PTPRD: variants seen among roughly 807,000 people sequenced by gnomAD.
PTPRD encodes the protein receptor-type tyrosine-protein phosphatase delta.
PTPRD carries 34 observed loss-of-function variants against 214.5 expected under a neutral mutation model. The ratio of observed to expected loss-of-function variants is 0.16; its 90% CI spans 0.12 to 0.21. The LOEUF is 0.21. PTPRD is among the 10% of genes least tolerant of loss of function. The pLI is 1.00. For synonymous variants in PTPRD, 1,128 were observed against 845.7 expected (o/e 1.33, Z -5.79); for missense variants, 2,545 against 2,398.7 (o/e 1.06, Z -1.27).
intron 14 of PTPRD, among the ~76,000 whole-genome samples, chr9:8,597,749 C>G (rs1246552972): frequency 6.6e-6 from 1 of 152,082 alleles, no homozygotes; most frequent in Non-Finnish European, 1.5e-5. Context: ...CTTATATTCT[C>G]AAATACTTAT....
intron 9 of PTPRD, among the ~76,000 whole-genome samples, chr9:9,292,414 G>C (rs1419490490): frequency 2.6e-5 from 4 of 151,268 alleles, no homozygotes; most frequent in African/African-American, 9.7e-5. Flanking sequence ...TAACACATAA[G>C]AGGTTTTCTT....
At chr9:10,016,393 A>ATAAATAGATAGG (rs1555471258) in intron 4 of PTPRD, among the ~76,000 whole-genome samples, 1 of 149,902 alleles carries the variant, frequency 6.7e-6, no homozygotes, top group African/African-American at 2.5e-5. Flanking sequence ...AGATAGATAG[A>ATAAATAGATAGG]TAGACAGATA....
intron 21 of PTPRD, among the ~76,000 whole-genome samples, chr9:8,513,013 A>C (rs1023013203): frequency 3.3e-5 from 5 of 152,060 alleles, no homozygotes; most frequent in African/African-American, 9.7e-5. Flanking sequence ...TGTGTTTTCT[A>C]ATAATGAAAA....
chr9:8,586,411 T>C (rs1317356662), intron 14 of PTPRD, among the ~76,000 whole-genome samples: 1 of 152,198 alleles, frequency 6.6e-6, no homozygotes, highest in Non-Finnish European at 1.5e-5. Flanking sequence ...TTCTTCACCA[T>C]AGCAGTGTCA....
intron 10 of PTPRD, among the ~76,000 whole-genome samples, chr9:9,163,028 T>TC: frequency 6.6e-6 from 1 of 152,234 alleles, no homozygotes; most frequent in Non-Finnish European, 1.5e-5. Flanking sequence ...CACCAGCTTC[T>TC]CTTTTTTTCC....
chr9:8,473,913 T>C (rs759585342), intron 30 of PTPRD, among the ~76,000 whole-genome samples: 3 of 152,236 alleles, frequency 2.0e-5, no homozygotes, highest in Non-Finnish European at 4.4e-5. Context: ...CAGTGGCAAT[T>C]TGAAATTCTG....
chr9:9,620,011 GGA>G, intron 7 of PTPRD, among the ~76,000 whole-genome samples: 1 of 151,596 alleles, frequency 6.6e-6, no homozygotes, highest in Non-Finnish European at 1.5e-5. Context: ...AGAGAGAGGT[GGA>G]GAGAGTTTGT....
intron 3 of PTPRD, among the ~76,000 whole-genome samples, chr9:10,269,335 G>A (rs2094287991): frequency 1.3e-5 from 2 of 152,294 alleles, no homozygotes; most frequent in South Asian, 4.2e-4. Context: ...ATACTTAGCT[G>A]ATAATGAGAT....
rs948635999 is a variant in PTPRD at position 9,728,000 on chromosome 9, G to T, written c.-287+6533C>A. Among the ~76,000 whole-genome samples the T allele has an allele frequency of 2.0e-5, 3 of 152,122 alleles. No homozygotes were observed. The South Asian group carries it at 6.2e-4, about 32-fold the overall frequency. On this transcript the variant is annotated intron_variant, in intron 7 of 45. Coordinates refer to ENST00000381196, the MANE Select transcript of PTPRD (RefSeq NM_002839.4). ...TGTTGTGAGAGGGACCCATGGGGAGGCAATTGAATCATGGGGGCAGTTTCC... is the reference window on the plus strand; with the variant it reads ...TGTTGTGAGAGGGACCCATGGGGAGTCAATTGAATCATGGGGGCAGTTTCC...
intron 2 of PTPRD, among the ~76,000 whole-genome samples, chr9:10,603,301 T>A (rs1055530056): frequency 1.3e-5 from 2 of 151,804 alleles, no homozygotes; most frequent in African/African-American, 4.8e-5. Flanking sequence ...GGAGTTAGTT[T>A]TCCTTGATAT....
intron 3 of PTPRD, among the ~76,000 whole-genome samples, chr9:10,224,464 A>C (rs1048603141): frequency 3.3e-5 from 5 of 152,000 alleles, no homozygotes; most frequent in African/African-American, 1.2e-4. Flanking sequence ...TGGTAGAAAA[A>C]ATGTTAATTT....
intron 2 of PTPRD, among the ~76,000 whole-genome samples, chr9:10,508,458 A>G (rs2046829729): frequency 6.6e-6 from 1 of 152,320 alleles, no homozygotes; most frequent in African/African-American, 2.4e-5. Context: ...ATATACCCAA[A>G]GGATTATAAA....
chr9:10,261,429 A>G (rs2093693634), intron 3 of PTPRD, among the ~76,000 whole-genome samples: 1 of 152,142 alleles, frequency 6.6e-6, no homozygotes, highest in African/African-American at 2.4e-5. Flanking sequence ...GGACATTAAA[A>G]TCAGACATAG....
chr9:10,069,066 A>G (rs2097941160), intron 3 of PTPRD, among the ~76,000 whole-genome samples: 1 of 151,800 alleles, frequency 6.6e-6, no homozygotes, highest in Admixed American at 6.6e-5. Flanking sequence ...AGCCTTTTGG[A>G]TCTGGCAGCT....
At chr9:8,995,650 G>T (rs777871531) in intron 11 of PTPRD, among the ~76,000 whole-genome samples, 1 of 151,956 alleles carries the variant, frequency 6.6e-6, no homozygotes, top group Admixed American at 6.6e-5. Context: ...AGTTGAAATC[G>T]GGTTCCCCTA....
At chr9:10,263,169 T>C (rs963692624) in intron 3 of PTPRD, among the ~76,000 whole-genome samples, 7 of 152,120 alleles carry the variant, frequency 4.6e-5, no homozygotes, top group Non-Finnish European at 1.0e-4. Context: ...ATCAGCAGCA[T>C]AGCAACAAAC....
intron 14 of PTPRD, among the ~76,000 whole-genome samples, chr9:8,619,100 C>G (rs2095720185): frequency 6.6e-6 from 1 of 151,274 alleles, no homozygotes; most frequent in African/African-American, 2.4e-5. Context: ...GTGTATTTAC[C>G]ACATACAAAA....
At chr9:8,342,494 G>T (rs768879272) in intron 39 of PTPRD, among the ~76,000 whole-genome samples, 10 of 152,066 alleles carry the variant, frequency 6.6e-5, no homozygotes, top group Non-Finnish European at 1.5e-5. Flanking sequence ...ACATTTATGT[G>T]TCAAGTATGG....
At chr9:9,423,720 A>T (rs1270606306) in intron 8 of PTPRD, among the ~76,000 whole-genome samples, 1 of 152,182 alleles carries the variant, frequency 6.6e-6, no homozygotes, top group African/African-American at 2.4e-5. Context: ...AATGCAAAAA[A>T]CTGCAGTAAC....
Sources: gnomAD v4.1 joint callset for allele counts (sites outside exome capture counted in the v4.1 genomes callset) on GRCh38, gnomAD v4.1.1 for gene constraint, MANE v1.5 for transcripts, NCBI Gene and HGNC (gene_info 2026-07-23, HGNC 2026-07-21) for gene names.